KLHL29: variants seen among roughly 807,000 people sequenced by gnomAD.
KLHL29 encodes the protein kelch like family member 29.
A neutral mutation model predicts 80.4 loss-of-function variants in KLHL29; 21 were observed. That is an observed-to-expected ratio of 0.26 (90% CI 0.19 to 0.38). The LOEUF (loss-of-function observed/expected upper bound fraction) is 0.38. Ranked by LOEUF, KLHL29 falls within the 10% of genes least tolerant of loss-of-function variation. KLHL29 has a pLI of 1.00. For missense variants in KLHL29, 867 were observed against 1,223.9 expected (o/e 0.71, Z 4.35); for synonymous variants, 511 against 526.8 (o/e 0.97, Z 0.41).
intron 3 of KLHL29, among the ~76,000 whole-genome samples, chr2:23,608,673 C>G (rs1171290362): frequency 2.0e-5 from 3 of 152,086 alleles, no homozygotes; most frequent in Non-Finnish European, 2.9e-5. Flanking sequence ...GCTGTGGGCC[C>G]CTTAGGATGT....
At chr2:23,670,923 T>G (rs150808017) in intron 5 of KLHL29, among the ~76,000 whole-genome samples, 20,071 of 36,032 alleles carry the variant, frequency 0.56, 5,348 homozygotes, top group South Asian at 0.67. Context: ...ACGCGCTCTC[T>G]CTCTCTCTCT....
chr2:23,575,473 A>G lies in KLHL29; in HGVS notation c.285+12992A>G, dbSNP rs147882973. The stretch of plus-strand genomic sequence containing the variant: ...GGTTGCTGCCAGCATCATCATTGTC[A>G]TTGTCACCATCACTGACATTTATTG... On this transcript the variant is annotated intron_variant, in intron 3 of 13. Coordinates refer to ENST00000486442, the MANE Select transcript of KLHL29 (RefSeq NM_052920.2). Among the ~76,000 whole-genome samples the G allele has an allele frequency of 4.4e-3, 667 of 152,238 alleles. 5 individuals are homozygous for G. Among genetic ancestry groups the G allele is most frequent in the African/African-American group, 0.015 (639 of 41,552 alleles).
intron 2 of KLHL29, chr2:23,524,042 A>G (rs1666199972): frequency 2.1e-6 from 1 of 471,500 alleles, no homozygotes; most frequent in South Asian, 1.5e-5. Context: ...TTTTACCAGC[A>G]TGCCTTCCTC....
chr2:23,552,136 G>T (rs1181695570), intron 2 of KLHL29, among the ~76,000 whole-genome samples: 4 of 152,222 alleles, frequency 2.6e-5, no homozygotes, highest in Admixed American at 2.6e-4. Context: ...CACGGGTCCT[G>T]TGTTGTTACA....
rs57348539 is a variant in KLHL29 at position 23,421,524 on chromosome 2, TTGTGTG to T, written c.-154+35780_-154+35785del. 9.2e-3 allele frequency among the ~76,000 whole-genome samples: 1,323 copies of T among 143,598 alleles called. 9 individuals carry two copies. Among genetic ancestry groups the T allele is most frequent in the Middle Eastern group, 0.042 (11 of 264 alleles). 94.2% of individuals were successfully genotyped at this position (143,598 alleles called of 152,430 possible). A position where few individuals can be genotyped will look rare whatever the true frequency, so the allele number is the denominator to read the frequency against. ...GTCAGGAAGGAAGGTTTAGACAAGATTGTGTGTGTGTGTGTGTGTGTGTGTGTGTGT... is the reference window on the plus strand; with the variant it reads ...GTCAGGAAGGAAGGTTTAGACAAGATTGTGTGTGTGTGTGTGTGTGTGTGT... On this transcript the variant is annotated intron_variant, in intron 1 of 13. Coordinates refer to ENST00000486442, the MANE Select transcript of KLHL29 (RefSeq NM_052920.2).
At chr2:23,452,911 C>CA (rs201174687) in intron 1 of KLHL29, among the ~76,000 whole-genome samples, 15,103 of 131,186 alleles carry the variant, frequency 0.12, 1,450 homozygotes, top group East Asian at 0.29. Context: ...CACCCCCCCG[C>CA]CCACACACAC....
intron 5 of KLHL29, among the ~76,000 whole-genome samples, chr2:23,644,748 C>T (rs1164723650): frequency 6.6e-6 from 1 of 152,194 alleles, no homozygotes; most frequent in African/African-American, 2.4e-5. Flanking sequence ...CTGTGGTGGT[C>T]CTGAGCCAAT....
At chr2:23,661,411 C>T (rs1007893851) in intron 5 of KLHL29, among the ~76,000 whole-genome samples, 1 of 152,132 alleles carries the variant, frequency 6.6e-6, no homozygotes, top group Non-Finnish European at 1.5e-5. Context: ...TCCCAGGCTC[C>T]TGACAAGGCG....
intron 2 of KLHL29, among the ~76,000 whole-genome samples, chr2:23,557,246 G>A (rs1667320923): frequency 1.3e-5 from 2 of 152,186 alleles, no homozygotes; most frequent in South Asian, 4.1e-4. Context: ...GGGACCTTGT[G>A]ACACACTGGC....
intron 1 of KLHL29, among the ~76,000 whole-genome samples, chr2:23,444,585 C>G (rs1167068664): frequency 6.6e-6 from 1 of 152,186 alleles, no homozygotes; most frequent in Non-Finnish European, 1.5e-5. Context: ...CTCAGCCTCC[C>G]AAAGTGCTGG....
intron 2 of KLHL29, among the ~76,000 whole-genome samples, chr2:23,535,541 C>CA (rs1238167709): frequency 6.6e-6 from 1 of 152,188 alleles, no homozygotes; most frequent in Non-Finnish European, 1.5e-5. Flanking sequence ...GTGTTGTATA[C>CA]ATACAATTGA....
At chr2:23,577,957 C>T (rs1558395210) in intron 3 of KLHL29, among the ~76,000 whole-genome samples, 1 of 152,146 alleles carries the variant, frequency 6.6e-6, no homozygotes, top group African/African-American at 2.4e-5. Flanking sequence ...CATCGAGGGA[C>T]TCCAGGAGCA....
intron 3 of KLHL29, among the ~76,000 whole-genome samples, chr2:23,590,379 G>C (rs1240021527): frequency 6.6e-6 from 1 of 152,224 alleles, no homozygotes; most frequent in Non-Finnish European, 1.5e-5. Flanking sequence ...TTCCAGCTCA[G>C]ACCTATATGT....
Position 23,499,127 on chromosome 2 carries a change from A to T in KLHL29, c.-46+23460A>T, listed in dbSNP as rs970544863. ...TCCTCTCCTGCAGCTGCCTGAGGAA[A>T]TGGTTTCGCAAGACTTTATTATTTT... On this transcript the variant is annotated intron_variant, in intron 2 of 13. Coordinates refer to ENST00000486442, the MANE Select transcript of KLHL29 (RefSeq NM_052920.2). Among the ~76,000 whole-genome samples, 24 of 152,234 alleles carry T rather than the reference A, an allele frequency of 1.6e-4. No homozygotes were observed. In the East Asian group the frequency reaches 4.6e-3, roughly 29 times the overall value.
At chr2:23,429,617 G>A (rs564444528) in intron 1 of KLHL29, among the ~76,000 whole-genome samples, 2 of 152,264 alleles carry the variant, frequency 1.3e-5, no homozygotes, top group East Asian at 3.9e-4. Context: ...GCCAGGCATG[G>A]TGGCGGACGC....
chr2:23,604,260 C>T (rs1363028992), intron 3 of KLHL29, among the ~76,000 whole-genome samples: 3 of 118,580 alleles, frequency 2.5e-5, no homozygotes, highest in Non-Finnish European at 5.5e-5. Context: ...CCCGCCACCA[C>T]GCCTGGCTGT....
At position 23,590,952 on chromosome 2, in the gene KLHL29, A is replaced by G. The variant is rs533660140; in HGVS notation, c.285+28471A>G. ...CCTGCCGCTGGGAGCTCACATGCTA[A>G]TGGGTGAAAGCCGATGACAAAATAA... On this transcript the variant is annotated intron_variant, in intron 3 of 13. Transcript: ENST00000486442. Among the ~76,000 whole-genome samples, 570 of 152,312 alleles carry G rather than the reference A, an allele frequency of 3.7e-3. 2 individuals are homozygous for G. The highest frequency in any genetic ancestry group is 0.013 in the African/African-American group (533 of 41,564).
intron 1 of KLHL29, among the ~76,000 whole-genome samples, chr2:23,398,361 G>A (rs114989789): frequency 0.018 from 2,751 of 152,346 alleles, 100 homozygotes; most frequent in African/African-American, 0.063. Flanking sequence ...AGCCAGTCAC[G>A]AAAGGACCAT....
chr2:23,481,913 AAAG>A (rs939140872), intron 2 of KLHL29, among the ~76,000 whole-genome samples: 55 of 151,680 alleles, frequency 3.6e-4, no homozygotes, highest in African/African-American at 7.2e-4. Flanking sequence ...TAAAAAAAAA[AAAG>A]AAGAAGAGGC....
Sources: allele counts gnomAD v4.1 joint callset (sites outside exome capture counted in the v4.1 genomes callset), GRCh38; gene constraint gnomAD v4.1.1; transcripts MANE v1.5; gene names NCBI Gene and HGNC (gene_info 2026-07-23, HGNC 2026-07-21).